TAOK2: variants seen among roughly 807,000 people sequenced by gnomAD.
TAOK2 encodes serine/threonine-protein kinase TAO2.
A neutral mutation model predicts 122.5 loss-of-function variants in TAOK2; 42 were observed. The observed-to-expected ratio is 0.34, with a 90% CI of 0.27 to 0.44. The LOEUF is 0.44. TAOK2 is among the 20% of genes least tolerant of loss of function. TAOK2 has a pLI of 1.00. For synonymous variants in TAOK2, 704 were observed against 677.6 expected (o/e 1.04, Z -0.61); for missense variants, 1,264 against 1,644.9 (o/e 0.77, Z 4.01).
downstream of TAOK2, chr16:29,991,179 G>C (rs774514657): frequency 1.2e-6 from 2 of 1,611,380 alleles, no homozygotes; most frequent in Non-Finnish European, 8.5e-7. The surrounding 1 kb of genome is among the most constrained non-coding windows in gnomAD (Gnocchi z 5.6). Flanking sequence ...CATGGCTCTG[G>C]GGGGCATCCC....
chr16:29,984,123 C>G (rs1258711759), intron 13 of TAOK2, among the ~76,000 whole-genome samples: 1 of 152,176 alleles, frequency 6.6e-6, no homozygotes, highest in African/African-American at 2.4e-5. Context: ...GATTCTGTGC[C>G]CCAGAGGGCA....
At chr16:29,991,680 C>T (rs1567256641), downstream of TAOK2, 2 of 1,305,440 alleles carry the variant, frequency 1.5e-6, no homozygotes, top group Admixed American at 3.7e-5. This position sits in a 1 kb window ranked among gnomAD's most constrained non-coding sequence, Gnocchi z 5.6. Context: ...GATGTAGGCT[C>T]CAGCTCCCCT....
At chr16:29,977,593 G>A in intron 1 of TAOK2, 145 bp from the exon 2 acceptor site, 2 of 783,314 alleles carry the variant, frequency 2.6e-6, no homozygotes, top group Non-Finnish European at 3.9e-6. Flanking sequence ...CTTTGATGTT[G>A]TTCCTAATCT....
downstream of TAOK2, chr16:29,990,190 T>G (rs1191179278): frequency 9.0e-6 from 2 of 223,460 alleles, no homozygotes; most frequent in Admixed American, 1.0e-4. Context: ...TCTAAAAAAA[T>G]GATCACACCT....
rs61739161 is a variant in TAOK2 at position 29,983,565 on chromosome 16, G to A, written c.1323G>A (p.Pro441=). 449 of 1,613,890 alleles carry A rather than the reference G, an allele frequency of 2.8e-4. 1 individual carries two copies. The African/African-American group carries it at 4.9e-3, about 18-fold the overall frequency. The change falls in exon 13 of 16, where the codon CCG becomes CCA. Residue 441 remains proline (P), a synonymous_variant. Coordinates refer to ENST00000308893, the MANE Select transcript of TAOK2 (RefSeq NM_016151.4). ...AGATAACCCCCAGCCCTCTCCAGCC[G>A]CCTGCAGCCCCAGCTCCCACTTCCA... ...QPEITPSPLQ[P]PAAPAPTSTT...
Position 29,978,976 on chromosome 16 carries a change from C to G in TAOK2, c.355C>G (p.His119Asp). Residue 119 changes from histidine to aspartate, a missense_variant and splice_region_variant, in exon 6 of 16, where the codon CAC becomes GAC. Transcript: ENST00000308893. The part of the protein sequence containing the change: ...LGSASDLLEV[H>D]KKPLQEVEIA... ...TGATGTTCTTCCTCACTCTCCAGTG[C>G]ACAAGAAACCCCTTCAGGAGGTAGA... is the stretch of plus-strand genomic sequence containing the variant. 1 of 1,614,174 alleles carries G rather than the reference C, an allele frequency of 6.2e-7. No homozygotes were observed. The highest frequency in any genetic ancestry group is 8.5e-7 in the Non-Finnish European group (1 of 1,180,022).
chr16:29,989,042 C>G (rs2150909010), downstream of TAOK2: 1 of 985,282 alleles, frequency 1.0e-6, no homozygotes, highest in East Asian at 1.1e-4. Context: ...TGCTTCTCCT[C>G]CTTCCCTGCC....
At chr16:29,977,620 A>G (rs4583255) in intron 1 of TAOK2, 118 bp from the exon 2 acceptor site, 412,159 of 964,436 alleles carry the variant, frequency 0.43, 91,467 homozygotes, top group South Asian at 0.5. Context: ...CCCCTTCCTC[A>G]GCAGTGCCTC....
At position 29,983,068 on chromosome 16, in the gene TAOK2, G is replaced by C. The variant is rs749481985; in HGVS notation, c.1000-4G>C. On this transcript the variant is annotated splice_region_variant and splice_polypyrimidine_tract_variant and intron_variant, in intron 11 of 15. Coordinates refer to ENST00000308893, the MANE Select transcript of TAOK2 (RefSeq NM_016151.4). ...CTGTCCAGCAGCCTACGCCCTGTTC[G>C]CAGGAGGCCGAGCCCTACATGCACC... 1.2e-6 allele frequency: 2 copies of C among 1,613,744 alleles called. No homozygotes were observed. The highest frequency in any genetic ancestry group is 1.7e-5 in the Admixed American group (1 of 60,008).
Position 29,987,445 on chromosome 16 carries a change from T to C in TAOK2, c.3173T>C (p.Leu1058Pro). ...CTCTTAGCTTGGCCAGGCCTAGCTC[T>C]ACCTCTGGTGGCTATGGCAGCGGGG... Reference protein sequence around the residue: ...AWLLAWPGLALPLVAMAAGGR... With the variant: ...AWLLAWPGLAPPLVAMAAGGR... Residue 1058 changes from leucine (L) to proline (P), a missense_variant, in exon 16 of 16, where the codon CTA becomes CCA. By Grantham distance (98) the Leu-to-Pro change is moderately conservative. Around this residue, in one of 4 missense-constraint regions of TAOK2, gnomAD observed 824 missense variants for 908.7 expected, o/e 0.91. Coordinates refer to ENST00000308893, the MANE Select transcript of TAOK2 (RefSeq NM_016151.4). 1 of 1,600,862 alleles carries C rather than the reference T, an allele frequency of 6.2e-7. No individual in the cohort carries two copies. The highest frequency in any genetic ancestry group is 8.5e-7 in the Non-Finnish European group (1 of 1,171,600).
chr16:29,978,870 G>C, intron 5 of TAOK2, 26 bp downstream of exon 5: 1 of 1,614,036 alleles, frequency 6.2e-7, no homozygotes, highest in Non-Finnish European at 8.5e-7. Context: ...GCCAATAAGT[G>C]GAGAAGGGAG....
At position 29,985,152 on chromosome 16, in the gene TAOK2, C is replaced by T. The variant is rs1213251433; in HGVS notation, c.1423-61C>T. The T allele has an allele frequency of 3.4e-6, 5 of 1,460,330 alleles. No individual in the cohort carries two copies. Among genetic ancestry groups the T allele is most frequent in the Middle Eastern group, 1.9e-4 (1 of 5,394 alleles). 90.5% of individuals were successfully genotyped at this position (1,460,330 alleles called of 1,614,324 possible). On this transcript the variant is annotated intron_variant, in intron 13 of 15. Transcript: ENST00000308893. This position sits in a 1 kb window ranked among gnomAD's most constrained non-coding sequence, Gnocchi z 6.9. Reference sequence around the variant, plus strand: ...CCATGCTCTTCCCCACGGAAGACCCCTTGTGTTAATTAACTAGGGGCCAGG... The same window carrying T: ...CCATGCTCTTCCCCACGGAAGACCCTTTGTGTTAATTAACTAGGGGCCAGG...
At position 29,985,586 on chromosome 16, in the gene TAOK2, A is replaced by G. The variant is rs1255545566; in HGVS notation, c.1788+8A>G. On this transcript the variant is annotated splice_region_variant and intron_variant, in intron 14 of 15. Coordinates refer to ENST00000308893, the MANE Select transcript of TAOK2 (RefSeq NM_016151.4). This position sits in a 1 kb window ranked among gnomAD's most constrained non-coding sequence, Gnocchi z 6.9. ...AAGGAACAGCTGAAGGAGGTGAGCT[A>G]GGGCTGCTTGGGGGCGGAGCCGATG... 1.2e-6 allele frequency: 2 copies of G among 1,602,906 alleles called. No individual in the cohort carries two copies. The highest frequency in any genetic ancestry group is 1.7e-5 in the Admixed American group (1 of 59,564).
intron 13 of TAOK2, among the ~76,000 whole-genome samples, chr16:29,984,738 G>T (rs1389632043): frequency 6.6e-6 from 1 of 152,164 alleles, no homozygotes; most frequent in Non-Finnish European, 1.5e-5. Context: ...TACCTGGGGA[G>T]TGATAGGCCG....
chr16:29,978,912 G>A, intron 5 of TAOK2, 62 bp from the exon 6 acceptor site: 2 of 1,613,472 alleles, frequency 1.2e-6, no homozygotes, highest in African/African-American at 2.7e-5. Flanking sequence ...AAGGGTTAAG[G>A]GGAGTTTATT....
chr16:29,983,234 G>A lies in TAOK2; in HGVS notation c.1162G>A (p.Glu388Lys), dbSNP rs1240523500. 6 of 1,612,440 alleles carry A rather than the reference G, an allele frequency of 3.7e-6. No homozygotes were observed. The highest frequency in any genetic ancestry group is 5.1e-6 in the Non-Finnish European group (6 of 1,179,994). Reference protein sequence around the residue: ...EEEEEEEEEEEEEEEGPEARE... With the variant: ...EEEEEEEEEEKEEEEGPEARE... ...AGAGGAGGAGGAGGAGGAGGAAGAG[G>A]AGGAGGAGGAAGAAGGCCCTGAAGC... Residue 388 changes from glutamate (E) to lysine (K), a missense_variant, in exon 12 of 16, where the codon GAG becomes AAG. Glu to Lys is a moderately conservative substitution (Grantham distance 56). This residue lies in a region of TAOK2 where 122 missense variants were observed against 116.7 expected (regional missense o/e 1.04). Transcript: ENST00000308893.
downstream of TAOK2, chr16:29,988,447 C>T (rs1274104702): frequency 1.6e-6 from 2 of 1,257,912 alleles, no homozygotes; most frequent in Non-Finnish European, 2.0e-6. Flanking sequence ...GCCTAGCCTC[C>T]CCGGTATGCC....
Position 29,985,127 on chromosome 16 carries a change from C to T in TAOK2, c.1423-86C>T, listed in dbSNP as rs1415738057. The T allele has an allele frequency of 2.8e-6, 4 of 1,417,606 alleles. No homozygotes were observed. The East Asian group carries it at 7.3e-5, about 26-fold the overall frequency. 87.8% of individuals were successfully genotyped at this position (1,417,606 alleles called of 1,614,324 possible). A position where few individuals can be genotyped will look rare whatever the true frequency, so the allele number is the denominator to read the frequency against. On this transcript the variant is annotated intron_variant, in intron 13 of 15. Coordinates refer to ENST00000308893, the MANE Select transcript of TAOK2 (RefSeq NM_016151.4). This position sits in a 1 kb window ranked among gnomAD's most constrained non-coding sequence, Gnocchi z 6.9. ...AGAATGAAACCCATGAGTTGAAAAC[C>T]CATGCTCTTCCCCACGGAAGACCCC...
chr16:29,987,176 C>G lies in TAOK2; in HGVS notation c.2904C>G (p.Leu968=). 1.3e-6 allele frequency: 2 copies of G among 1,560,096 alleles called. No individual in the cohort carries two copies. Among genetic ancestry groups the G allele is most frequent in the Non-Finnish European group, 1.7e-6 (2 of 1,158,204 alleles). The change falls in exon 16 of 16, where the codon CTC becomes CTG. Residue 968 remains leucine, a synonymous_variant. Transcript: ENST00000308893. ...AVGSSSGLLP[L]LLLLLLPLLA... ...GGTCCTCCTCTGGCCTCCTGCCCCT[C>G]CTGCTGCTGCTGCTGCTTCCATTGC... is the stretch of plus-strand genomic sequence containing the variant.
Sources: allele counts gnomAD v4.1 joint callset (sites outside exome capture counted in the v4.1 genomes callset), GRCh38; gene constraint gnomAD v4.1.1; regional missense constraint gnomAD v4.1.1; non-coding constraint Gnocchi (gnomAD v3.1); transcripts MANE v1.5; gene names NCBI Gene and HGNC (gene_info 2026-07-23, HGNC 2026-07-21).